Variants in SCARB2 observed in about 807,000 individuals in gnomAD.
The protein encoded by SCARB2 is lysosome membrane protein 2.
A neutral mutation model predicts 58.6 loss-of-function variants in SCARB2; 29 were observed. That is an observed-to-expected ratio of 0.49 (90% CI 0.37 to 0.67). The LOEUF (loss-of-function observed/expected upper bound fraction) is 0.67. Ranked by LOEUF, SCARB2 falls within the 30% of genes least tolerant of loss-of-function variation. The pLI is 0.00. For synonymous variants in SCARB2, 195 were observed against 210.1 expected, an observed-to-expected ratio of 0.93 and a Z score of 0.62; for missense variants, 488 against 578.5, an observed-to-expected ratio of 0.84 and a Z score of 1.60.
chr4:76,201,925 A>G (rs1020462971), intron 1 of SCARB2, among the ~76,000 whole-genome samples: 2 of 152,188 alleles, frequency 1.3e-5, no homozygotes, highest in Admixed American at 1.3e-4. Flanking sequence ...TAACTTAGCA[A>G]TTCCTTTGTG....
At chr4:76,176,813 T>C in intron 4 of SCARB2, 1 of 305,062 alleles carries the variant, frequency 3.3e-6, no homozygotes, top group South Asian at 5.3e-5. Flanking sequence ...TCTGCCTGGA[T>C]TTCCAGGTTG....
At chr4:76,210,975 T>G (rs1253539095) in intron 1 of SCARB2, among the ~76,000 whole-genome samples, 1 of 152,226 alleles carries the variant, frequency 6.6e-6, no homozygotes, top group Non-Finnish European at 1.5e-5. Flanking sequence ...CAGAGTAGAT[T>G]ATATTATAAC....
chr4:76,214,243 G>C (rs143733202), upstream of SCARB2: 1 of 454,990 alleles, frequency 2.2e-6, no homozygotes, highest in East Asian at 6.9e-5. Context: ...ACACAATGTA[G>C]CAAGTGCTTC....
intron 1 of SCARB2, among the ~76,000 whole-genome samples, chr4:76,228,049 A>T (rs757723881): frequency 6.6e-6 from 1 of 151,716 alleles, no homozygotes; most frequent in Non-Finnish European, 1.5e-5. Flanking sequence ...TTGAGATGTA[A>T]GGTACTTTTT....
At chr4:76,170,339 T>C (rs184629256) in intron 7 of SCARB2, among the ~76,000 whole-genome samples, 146 of 152,308 alleles carry the variant, frequency 9.6e-4, no homozygotes, top group Non-Finnish European at 1.7e-3. Context: ...AGCCTCACTT[T>C]GCATTTGAAG....
At chr4:76,191,990 C>G (rs1732616766) in intron 2 of SCARB2, 1 of 152,306 alleles carries the variant, frequency 6.6e-6, no homozygotes, top group African/African-American at 2.4e-5. Flanking sequence ...AGACTGGTCC[C>G]AAACTCCTGA....
intron 1 of SCARB2, 33 bp from the exon 2 acceptor site, chr4:76,195,897 T>C (rs927295154): frequency 1.3e-6 from 2 of 1,583,300 alleles, no homozygotes; most frequent in Non-Finnish European, 1.7e-6. Context: ...TTTACAAAAA[T>C]GTAAGGCAAT....
chr4:76,221,951 C>A (rs1733316700), intron 1 of SCARB2, among the ~76,000 whole-genome samples: 1 of 152,208 alleles, frequency 6.6e-6, no homozygotes, highest in African/African-American at 2.4e-5. Context: ...ATCTATGCCA[C>A]ATGATGTTGT....
At chr4:76,217,833 C>T (rs1181537097), upstream of SCARB2, 1 of 402,530 alleles carries the variant, frequency 2.5e-6, no homozygotes, top group Non-Finnish European at 4.4e-6. Flanking sequence ...ATTGCTGGTG[C>T]CTGTTGAAAT....
intron 8 of SCARB2, 137 bp from the exon 9 acceptor site, chr4:76,168,613 G>A (rs1732064404): frequency 1.4e-6 from 1 of 715,694 alleles, no homozygotes; most frequent in Non-Finnish European, 2.4e-6. Context: ...GTGGAAACAA[G>A]TAAAAGTGAT....
chr4:76,180,130 C>T (rs934001964), intron 3 of SCARB2: 6 of 248,054 alleles, frequency 2.4e-5, no homozygotes, highest in African/African-American at 1.3e-4. Flanking sequence ...TCATCAGTGT[C>T]CAGCTGCATA....
intron 1 of SCARB2, among the ~76,000 whole-genome samples, chr4:76,200,638 C>T (rs1732811079): frequency 6.6e-6 from 1 of 152,154 alleles, no homozygotes; most frequent in Non-Finnish European, 1.5e-5. Flanking sequence ...AAATTATGTG[C>T]AAGACTCAGT....
At chr4:76,179,864 A>G in intron 3 of SCARB2, 159 bp from the exon 4 acceptor site, 1 of 703,390 alleles carries the variant, frequency 1.4e-6, no homozygotes. Flanking sequence ...CTGGCTGCAT[A>G]TGGAAGACAA....
chr4:76,181,161 T>C, intron 2 of SCARB2, 60 bp from the exon 3 acceptor site: 1 of 1,532,282 alleles, frequency 6.5e-7, no homozygotes, highest in African/African-American at 1.4e-5. Flanking sequence ...GCAAGACTTT[T>C]CCTTTCTTTC....
At chr4:76,220,152 C>G (rs1560726747) in intron 1 of SCARB2, among the ~76,000 whole-genome samples, 1 of 152,122 alleles carries the variant, frequency 6.6e-6, no homozygotes, top group Non-Finnish European at 1.5e-5. Context: ...CAACTCTCTT[C>G]CTAGGTATAT....
rs1731944534 is a variant in SCARB2, at chr4:76,163,620, A to C, written c.1240-237T>G. 7.0e-6 allele frequency: 4 copies of C among 569,244 alleles called. No homozygotes were observed. In the Admixed American group the frequency reaches 1.2e-4, roughly 17 times the overall value. The allele number at this position is 569,244 out of a possible 1,614,324, so 35.3% of individuals were successfully genotyped here. On this transcript the variant is annotated intron_variant, in intron 10 of 11. Transcript: ENST00000264896. ...AAAATAGATTGGAAAAAGGAGGTAAAATGTATTCAGAAATATTGAGACAGT... is the reference window on the plus strand; with the variant it reads ...AAAATAGATTGGAAAAAGGAGGTAACATGTATTCAGAAATATTGAGACAGT...
intron 1 of SCARB2, among the ~76,000 whole-genome samples, chr4:76,212,203 G>A (rs1343931115): frequency 6.6e-6 from 1 of 152,198 alleles, no homozygotes; most frequent in Non-Finnish European, 1.5e-5. Flanking sequence ...ATGGACAGGA[G>A]TGGAGAAAGG....
In SCARB2 at chr4:76,161,109, C is replaced by A; in HGVS notation, c.*604G>T. On this transcript the variant is annotated 3_prime_UTR_variant, in exon 12 of 12. Coordinates refer to ENST00000264896, the MANE Select transcript of SCARB2 (RefSeq NM_005506.4). The stretch of plus-strand genomic sequence containing the variant: ...CAACCCCTTTCCCATTTGATTCTAC[C>A]CAGTATTTTATTGCAGTTGGAAGAC... 1 of 157,028 alleles carries A rather than the reference C, an allele frequency of 6.4e-6. No homozygotes were observed. Among genetic ancestry groups the A allele is most frequent in the Admixed American group, 6.1e-5 (1 of 16,278 alleles). The allele number at this position is 157,028 out of a possible 1,614,324, so 9.7% of individuals were successfully genotyped here.
chr4:76,226,544 T>C (rs1280465273), intron 1 of SCARB2, among the ~76,000 whole-genome samples: 3 of 152,136 alleles, frequency 2.0e-5, no homozygotes, highest in African/African-American at 7.2e-5. Context: ...TGTAGTGCTG[T>C]GGGGCAGCCT....
Sources: gnomAD v4.1 joint callset for allele counts (sites outside exome capture counted in the v4.1 genomes callset) on GRCh38, gnomAD v4.1.1 for gene constraint, MANE v1.5 for transcripts, NCBI Gene and HGNC (gene_info 2026-07-23, HGNC 2026-07-21) for gene names.